The following UBE2D3 variants were observed in gnomAD, a reference collection of about 807,000 sequenced individuals.
UBE2D3 encodes ubiquitin-conjugating enzyme E2 D3.
A neutral mutation model predicts 22.8 loss-of-function variants in UBE2D3; 2 were observed. The ratio of observed to expected loss-of-function variants is 0.09; its 90% CI spans 0.04 to 0.28. The LOEUF is 0.28. Ranked by LOEUF, UBE2D3 falls within the 10% of genes least tolerant of loss-of-function variation. The probability of loss-of-function intolerance (pLI) is 1.00; values close to 1 mark genes in which losing one functional copy is unlikely to be tolerated. For missense variants in UBE2D3, 27 were observed against 182.5 expected (o/e 0.15, Z 4.91); for synonymous variants, 56 against 60.4 (o/e 0.93, Z 0.34).
intron 1 of UBE2D3, among the ~76,000 whole-genome samples, chr4:102,850,552 G>A (rs1334264455): frequency 6.6e-6 from 1 of 152,038 alleles, no homozygotes; most frequent in Non-Finnish European, 1.5e-5. Flanking sequence ...GTAATATAGT[G>A]GAAATAGTAT....
chr4:102,802,494 AGAATGCTCTATTCCTTT>A, intron 5 of UBE2D3, 50 bp downstream of exon 5: 1 of 1,339,356 alleles, frequency 7.5e-7, no homozygotes, highest in Non-Finnish European at 1.0e-6. Flanking sequence ...CTATCTTCCA[AGAATGCTCTATTCCTTT>A]GAAATAAAGC....
chr4:102,795,646 AGAG>A lies in UBE2D3; in HGVS notation c.*1766_*1768del, dbSNP rs1479916471. 2 of 152,132 alleles carry A rather than the reference AGAG, an allele frequency of 1.3e-5. No homozygotes were observed. Among genetic ancestry groups the A allele is most frequent in the Non-Finnish European group, 2.9e-5 (2 of 67,954 alleles). 9.4% of individuals were successfully genotyped at this position (152,132 alleles called of 1,614,324 possible). On this transcript the variant is annotated 3_prime_UTR_variant, in exon 8 of 8. Transcript: ENST00000453744. The stretch of plus-strand genomic sequence containing the variant: ...AAGGCATGCATTTCACTTCCAGTTT[AGAG>A]AAGAACCTTAAGTCAATAAATCATG...
chr4:102,833,064 T>C (rs985345796), intron 1 of UBE2D3, among the ~76,000 whole-genome samples: 4 of 149,552 alleles, frequency 2.7e-5, no homozygotes, highest in African/African-American at 9.8e-5. Context: ...CTTGAAACAA[T>C]AGTATGAACT....
At chr4:102,832,669 T>TG (rs988674848) in intron 1 of UBE2D3, among the ~76,000 whole-genome samples, 3 of 150,268 alleles carry the variant, frequency 2.0e-5, no homozygotes, top group Non-Finnish European at 3.0e-5. Context: ...AAAAAATATT[T>TG]GGGGGCGGGG....
chr4:102,857,491 T>C (rs1732682459), intron 1 of UBE2D3, among the ~76,000 whole-genome samples: 1 of 151,998 alleles, frequency 6.6e-6, no homozygotes, highest in Admixed American at 6.6e-5. Context: ...GAAAAAACAA[T>C]ATGCATAAAA....
chr4:102,834,265 CTG>C (rs1353534397), intron 1 of UBE2D3, among the ~76,000 whole-genome samples: 1 of 152,144 alleles, frequency 6.6e-6, no homozygotes, highest in Admixed American at 6.5e-5. Context: ...GATACACACT[CTG>C]TTAAGTTTTC....
intron 2 of UBE2D3, chr4:102,810,192 T>C (rs578062544): frequency 3.6e-4 from 71 of 199,676 alleles, no homozygotes; most frequent in Non-Finnish European, 5.9e-4. Context: ...ACGTTATTTG[T>C]TGAACTTCCA....
chr4:102,826,449 C>T, intron 2 of UBE2D3, 36 bp downstream of exon 2: 2 of 1,613,360 alleles, frequency 1.2e-6, no homozygotes, highest in Non-Finnish European at 1.7e-6. Flanking sequence ...CCTTCCTTTT[C>T]TCCTACCACC....
chr4:102,822,385 G>A (rs1279480189), intron 2 of UBE2D3, among the ~76,000 whole-genome samples: 1 of 152,176 alleles, frequency 6.6e-6, no homozygotes, highest in Admixed American at 6.5e-5. Context: ...ACTAGTTGGG[G>A]ACAATAAATA....
intron 2 of UBE2D3, 48 bp downstream of exon 2, chr4:102,826,437 A>G: frequency 6.2e-7 from 1 of 1,611,358 alleles, no homozygotes; most frequent in Non-Finnish European, 8.5e-7. Flanking sequence ...TCTTGGCCCG[A>G]GCCTTCCTTT....
chr4:102,797,149 C>T lies in UBE2D3; in HGVS notation c.*266G>A, dbSNP rs1725350102. On this transcript the variant is annotated 3_prime_UTR_variant, in exon 8 of 8. Transcript: ENST00000453744. ...CATTGGCCACATAATACACATGCTCCATTTTTTTTTTTAAAAATTCTGAGT... is the reference window on the plus strand; with the variant it reads ...CATTGGCCACATAATACACATGCTCTATTTTTTTTTTTAAAAATTCTGAGT... 2.9e-6 allele frequency: 1 copy of T among 339,398 alleles called. No homozygotes were observed. Among genetic ancestry groups the T allele is most frequent in the South Asian group, 6.2e-5 (1 of 16,218 alleles). The allele number at this position is 339,398 out of a possible 1,614,324, so 21.0% of individuals were successfully genotyped here.
intron 2 of UBE2D3, among the ~76,000 whole-genome samples, chr4:102,822,968 CAA>C (rs202148714): frequency 1.3e-5 from 2 of 152,006 alleles, no homozygotes; most frequent in Admixed American, 1.3e-4. Context: ...TGAAATGGTT[CAA>C]AAAAGAGCTT....
chr4:102,798,279 A>AAATATATATATATATATATATATATAT (rs1725523227), intron 7 of UBE2D3, among the ~76,000 whole-genome samples: 1 of 111,850 alleles, frequency 8.9e-6, no homozygotes, highest in African/African-American at 4.0e-5. Flanking sequence ...TTAAGAAATG[A>AAATATATATATATATATATATATATAT]ATATATATAT....
chr4:102,812,950 GCTA>G (rs1239230676), intron 2 of UBE2D3: 1 of 152,124 alleles, frequency 6.6e-6, no homozygotes, highest in East Asian at 1.9e-4. Flanking sequence ...CCTCAAAAGT[GCTA>G]CTTTCAACAA....
chr4:102,832,889 TCTGGAAGCTG>T (rs1171080512), intron 1 of UBE2D3, among the ~76,000 whole-genome samples: 6 of 151,690 alleles, frequency 4.0e-5, no homozygotes, highest in Non-Finnish European at 8.8e-5. Flanking sequence ...TCCCAGCTGC[TCTGGAAGCTG>T]AGGTGGGAGG....
chr4:102,810,336 T>C (rs938696620), intron 2 of UBE2D3: 3 of 152,328 alleles, frequency 2.0e-5, no homozygotes, highest in Admixed American at 1.3e-4. Flanking sequence ...AGTACCTTTT[T>C]TGTTTTCTAA....
chr4:102,864,398 A>G (rs1733049787), intron 1 of UBE2D3, among the ~76,000 whole-genome samples: 1 of 34,124 alleles, frequency 2.9e-5, no homozygotes, highest in Non-Finnish European at 5.0e-5. Context: ...GAGCAGAAAA[A>G]GACAGGGTTT....
chr4:102,817,309 G>A (rs1053325865), intron 2 of UBE2D3, among the ~76,000 whole-genome samples: 3 of 152,130 alleles, frequency 2.0e-5, no homozygotes, highest in African/African-American at 7.2e-5. Context: ...TGATGGTTTC[G>A]AAATAGAAGA....
rs145821542 is a variant in UBE2D3 at position 102,795,623 on chromosome 4, G to C, written c.*1792C>G. The C allele has an allele frequency of 2.6e-5, 4 of 152,114 alleles. No individual in the cohort carries two copies. Among genetic ancestry groups the C allele is most frequent in the African/African-American group, 9.6e-5 (4 of 41,546 alleles). The allele number at this position is 152,114 out of a possible 1,614,324, so 9.4% of individuals were successfully genotyped here. A position where few individuals can be genotyped will look rare whatever the true frequency, so the allele number is the denominator to read the frequency against. On this transcript the variant is annotated 3_prime_UTR_variant, in exon 8 of 8. Transcript: ENST00000453744. ...TAACAAAGCCAGAACATCTTCAGAA[G>C]GCATGCATTTCACTTCCAGTTTAGA...
Sources: allele counts gnomAD v4.1 joint callset (sites outside exome capture counted in the v4.1 genomes callset), GRCh38; gene constraint gnomAD v4.1.1; transcripts MANE v1.5; gene names NCBI Gene and HGNC (gene_info 2026-07-23, HGNC 2026-07-21).